ZCWPW2: variants seen among roughly 807,000 people sequenced by gnomAD.
ZCWPW2 encodes the protein zinc finger CW-type PWWP domain protein 2.
In ZCWPW2, 45 loss-of-function variants were observed where a neutral mutation model predicts 46.6. That is an observed-to-expected ratio of 0.96 (90% CI 0.76 to 1.24). The LOEUF is 1.24. Among genes scored for constraint, ZCWPW2 ranks in the 50% most tolerant of loss-of-function variants. The pLI, the probability that ZCWPW2 is intolerant of heterozygous loss-of-function variation, is 0.00. For missense variants in ZCWPW2, 429 were observed against 403.9 expected (o/e 1.06, Z -0.53); for synonymous variants, 152 against 137.1 (o/e 1.11, Z -0.76).
At chr3:28,431,085 C>T (rs1697235388) in intron 3 of ZCWPW2, among the ~76,000 whole-genome samples, 1 of 152,138 alleles carries the variant, frequency 6.6e-6, no homozygotes, top group Admixed American at 6.5e-5. Context: ...CTACAGTCCT[C>T]AAATTCAAGC....
At chr3:28,470,071 C>T (rs1012141207) in intron 4 of ZCWPW2, among the ~76,000 whole-genome samples, 5 of 152,258 alleles carry the variant, frequency 3.3e-5, no homozygotes, top group South Asian at 2.1e-4. Flanking sequence ...GAACGTATGT[C>T]AGGTATCTTC....
At chr3:28,379,282 C>G (rs1705594353) in intron 1 of ZCWPW2, among the ~76,000 whole-genome samples, 1 of 151,998 alleles carries the variant, frequency 6.6e-6, no homozygotes, top group Non-Finnish European at 1.5e-5. Flanking sequence ...GAAAATTTAT[C>G]TTTTGAGAAT....
intron 3 of ZCWPW2, among the ~76,000 whole-genome samples, chr3:28,421,117 AT>A (rs1696765661): frequency 6.6e-6 from 1 of 152,146 alleles, no homozygotes; most frequent in Non-Finnish European, 1.5e-5. Flanking sequence ...TTACTCCCAC[AT>A]GGGAGTAAGA....
In ZCWPW2 at chr3:28,523,644, A is replaced by G. The variant is rs541196693; in HGVS notation, c.910-883A>G. 1.1e-4 allele frequency among the ~76,000 whole-genome samples: 16 copies of G among 152,246 alleles called. 1 individual carries two copies. Among genetic ancestry groups the G allele is most frequent in the South Asian group, 2.1e-4 (1 of 4,832 alleles). ...CATTCATTTCACCTGTGAGTTTTCA[A>G]TTGGATTATCTCAGGCATTTACATC... On this transcript the variant is annotated intron_variant, in intron 9 of 9. Coordinates refer to ENST00000383768, the MANE Select transcript of ZCWPW2 (RefSeq NM_001040432.4).
At chr3:28,436,748 C>T (rs757531694) in intron 4 of ZCWPW2, among the ~76,000 whole-genome samples, 11 of 152,106 alleles carry the variant, frequency 7.2e-5, no homozygotes, top group Admixed American at 2.0e-4. Flanking sequence ...ATCCAGTCAT[C>T]GTTATACGAG....
intron 4 of ZCWPW2, among the ~76,000 whole-genome samples, chr3:28,456,917 T>C (rs1179310954): frequency 6.6e-6 from 1 of 152,188 alleles, no homozygotes; most frequent in Non-Finnish European, 1.5e-5. Context: ...ATCAAGGATA[T>C]TGGCCTGAAG....
At chr3:28,499,748 G>T (rs1270027780) in intron 6 of ZCWPW2, among the ~76,000 whole-genome samples, 1 of 151,998 alleles carries the variant, frequency 6.6e-6, no homozygotes, top group African/African-American at 2.4e-5. Flanking sequence ...AAATGGTATT[G>T]CCTGGGTTTT....
intron 4 of ZCWPW2, among the ~76,000 whole-genome samples, chr3:28,435,707 C>T (rs371243325): frequency 3.3e-5 from 5 of 152,038 alleles, no homozygotes; most frequent in Admixed American, 2.0e-4. Flanking sequence ...AGGATGGTCT[C>T]GAACTCCTGA....
chr3:28,459,418 C>G (rs1179874362), intron 4 of ZCWPW2, among the ~76,000 whole-genome samples: 1 of 152,038 alleles, frequency 6.6e-6, no homozygotes, highest in African/African-American at 2.4e-5. Context: ...TGAAATCACT[C>G]TCCTTGGTAA....
intron 4 of ZCWPW2, among the ~76,000 whole-genome samples, chr3:28,450,714 A>G (rs919720699): frequency 6.6e-6 from 1 of 152,120 alleles, no homozygotes; most frequent in Non-Finnish European, 1.5e-5. Flanking sequence ...ATTGTATGTA[A>G]GATATTCCTA....
rs1382138921 is a variant in ZCWPW2 at position 28,390,528 on chromosome 3, G to A, written c.-103G>A. The A allele has an allele frequency of 1.0e-6, 1 of 985,188 alleles. No individual in the cohort carries two copies. Among genetic ancestry groups the A allele is most frequent in the Non-Finnish European group, 1.2e-6 (1 of 829,918 alleles). The allele number at this position is 985,188 out of a possible 1,614,324, so 61.0% of individuals were successfully genotyped here. A position where few individuals can be genotyped will look rare whatever the true frequency, so the allele number is the denominator to read the frequency against. On this transcript the variant is annotated 5_prime_UTR_variant, in exon 2 of 10. It adds an upstream start codon to the 5' untranslated region. Coordinates refer to ENST00000383768, the MANE Select transcript of ZCWPW2 (RefSeq NM_001040432.4). ...TCCCAGTAGAACGCCTGCCTCTTTA[G>A]TGACTACAGACCTCACTTCCCTTCT...
intron 4 of ZCWPW2, among the ~76,000 whole-genome samples, chr3:28,450,339 T>C (rs565293760): frequency 6.6e-6 from 1 of 152,324 alleles, no homozygotes; most frequent in East Asian, 1.9e-4. Flanking sequence ...TCTAACCCAA[T>C]AGTAATCAGT....
At chr3:28,452,919 A>G (rs1698281296) in intron 4 of ZCWPW2, among the ~76,000 whole-genome samples, 1 of 152,130 alleles carries the variant, frequency 6.6e-6, no homozygotes, top group African/African-American at 2.4e-5. Context: ...AACAAACACA[A>G]TGCTCCCAGA....
chr3:28,358,887 A>G (rs539497881), intron 1 of ZCWPW2, among the ~76,000 whole-genome samples: 39 of 152,192 alleles, frequency 2.6e-4, no homozygotes, highest in African/African-American at 7.7e-4. Context: ...CTGTTTGAAA[A>G]TTGTTTTGTT....
At chr3:28,437,001 T>C (rs1392299988) in intron 4 of ZCWPW2, among the ~76,000 whole-genome samples, 4 of 152,222 alleles carry the variant, frequency 2.6e-5, no homozygotes, top group African/African-American at 9.6e-5. Context: ...GATTTAATCT[T>C]TTATGGTCCT....
intron 6 of ZCWPW2, among the ~76,000 whole-genome samples, chr3:28,506,696 A>G (rs1700288067): frequency 6.6e-6 from 1 of 152,114 alleles, no homozygotes; most frequent in Admixed American, 6.6e-5. Context: ...ATCCTATATT[A>G]CTATAAGATA....
At chr3:28,391,906 AC>A in intron 2 of ZCWPW2, among the ~76,000 whole-genome samples, 1 of 152,258 alleles carries the variant, frequency 6.6e-6, no homozygotes, top group Middle Eastern at 3.4e-3. Context: ...GGAGCAAAGG[AC>A]CCACAAAACA....
intron 3 of ZCWPW2, among the ~76,000 whole-genome samples, chr3:28,414,701 T>C (rs1347360370): frequency 9.3e-6 from 1 of 107,560 alleles, no homozygotes; most frequent in Non-Finnish European, 1.9e-5. Context: ...AGTGAGAACA[T>C]GCGGTGTTTG....
intron 1 of ZCWPW2, 137 bp downstream of exon 1, chr3:28,349,340 G>A (rs1257840506): frequency 8.3e-6 from 3 of 359,744 alleles, no homozygotes; most frequent in South Asian, 2.2e-4. Flanking sequence ...GCTCAGTAGC[G>A]CTGTTACAGG....
Sources: allele counts gnomAD v4.1 joint callset (sites outside exome capture counted in the v4.1 genomes callset), GRCh38; gene constraint gnomAD v4.1.1; transcripts MANE v1.5; gene names NCBI Gene and HGNC (gene_info 2026-07-23, HGNC 2026-07-21).